FAM171A1: variants seen among roughly 807,000 people sequenced by gnomAD.
The protein encoded by FAM171A1 is protein FAM171A1.
Under a neutral mutation model 74.9 loss-of-function variants are expected in FAM171A1, and 23 were observed. That is an observed-to-expected ratio of 0.31 (90% CI 0.22 to 0.44). The LOEUF (loss-of-function observed/expected upper bound fraction) is 0.44, where lower values mean the gene tolerates loss of function less well. FAM171A1 is among the 20% of genes least tolerant of loss of function. FAM171A1 has a pLI of 1.00. For missense variants in FAM171A1, 1,162 were observed against 1,159.2 expected (o/e 1.00, Z -0.03); for synonymous variants, 527 against 505.7 (o/e 1.04, Z -0.57).
chr10:15,320,529 T>C (rs575177039), intron 1 of FAM171A1, among the ~76,000 whole-genome samples: 23 of 152,228 alleles, frequency 1.5e-4, no homozygotes, highest in Non-Finnish European at 3.1e-4. Flanking sequence ...TTTAAGTTCT[T>C]TGAGAAATTT....
At chr10:15,328,908 G>C (rs951463965) in intron 1 of FAM171A1, among the ~76,000 whole-genome samples, 9 of 152,042 alleles carry the variant, frequency 5.9e-5, no homozygotes, top group African/African-American at 1.7e-4. Context: ...TCTTTTGACA[G>C]ATATGTCATC....
intron 3 of FAM171A1, among the ~76,000 whole-genome samples, chr10:15,265,192 T>C (rs773943151): frequency 2.6e-4 from 39 of 152,162 alleles, no homozygotes; most frequent in Non-Finnish European, 5.7e-4. Flanking sequence ...CGATTTATAA[T>C]ATGCTCATGC....
intron 1 of FAM171A1, among the ~76,000 whole-genome samples, chr10:15,288,279 C>T (rs921723477): frequency 1.3e-5 from 2 of 151,714 alleles, no homozygotes; most frequent in Non-Finnish European, 1.5e-5. Context: ...GGGTAGATAC[C>T]GGTAGTGGGA....
chr10:15,258,647 G>A (rs1410062316), intron 3 of FAM171A1, among the ~76,000 whole-genome samples: 2 of 152,042 alleles, frequency 1.3e-5, no homozygotes, highest in Non-Finnish European at 2.9e-5. Flanking sequence ...TGGAGACGTC[G>A]ACTGTGTGAT....
chr10:15,352,840 A>G (rs377448205), intron 1 of FAM171A1, among the ~76,000 whole-genome samples: 1 of 152,218 alleles, frequency 6.6e-6, no homozygotes, highest in South Asian at 2.1e-4. Context: ...TACTTTCACC[A>G]TGTAATCTTT....
At chr10:15,268,563 AG>A (rs1327720147) in intron 3 of FAM171A1, among the ~76,000 whole-genome samples, 5 of 152,044 alleles carry the variant, frequency 3.3e-5, no homozygotes, top group Admixed American at 1.3e-4. Flanking sequence ...GGTGCCTGAC[AG>A]GCCTCCAAGC....
At chr10:15,284,842 G>A (rs1588533405) in intron 1 of FAM171A1, among the ~76,000 whole-genome samples, 1 of 151,818 alleles carries the variant, frequency 6.6e-6, no homozygotes, top group East Asian at 1.9e-4. Flanking sequence ...TTGTGCACTG[G>A]TAATCACAAA....
chr10:15,366,245 G>A (rs1170403584), intron 1 of FAM171A1, among the ~76,000 whole-genome samples: 2 of 151,972 alleles, frequency 1.3e-5, no homozygotes, highest in African/African-American at 4.8e-5. Context: ...TTAGCCTCCC[G>A]AGTAGCTGGG....
rs768929987 is a variant in FAM171A1 at position 15,213,389 on chromosome 10, G to A, written c.2199C>T (p.Asn733=). ...AGTCCAAACTGGCATCATTACTTCC[G>A]TTCCTTCCAGCTCTTTGGAGATCAA... ...SYIDLQRAGR[N]GSNDASLDSG... Residue 733 remains asparagine, a synonymous_variant, in exon 8 of 8, where the codon AAC becomes AAT. Transcript: ENST00000378116. This position sits in a 1 kb window ranked among gnomAD's most constrained non-coding sequence, Gnocchi z 6.8. 3.7e-6 allele frequency: 6 copies of A among 1,613,986 alleles called. No individual in the cohort carries two copies. The Admixed American group carries it at 5.0e-5, about 13-fold the overall frequency.
chr10:15,244,440 G>C lies in FAM171A1; in HGVS notation c.754+4199C>G, dbSNP rs1171646095. ...GGGCTGAGGTGGGAGGATTGCTTCA[G>C]CTCTTGAGATAGAGACTGTAGTGAG... On this transcript the variant is annotated intron_variant, in intron 5 of 7. Coordinates refer to ENST00000378116, the MANE Select transcript of FAM171A1 (RefSeq NM_001010924.2). Among the ~76,000 whole-genome samples, 3 of 152,200 alleles carry C rather than the reference G, an allele frequency of 2.0e-5. No individual in the cohort carries two copies. In the East Asian group the frequency reaches 5.8e-4, roughly 29 times the overall value.
At chr10:15,237,495 G>A (rs1345778298) in intron 5 of FAM171A1, 1 of 152,224 alleles carries the variant, frequency 6.6e-6, no homozygotes, top group African/African-American at 2.4e-5. Context: ...TGAGATCACA[G>A]CTTGGTTGTT....
chr10:15,280,076 G>A (rs1381990166), intron 2 of FAM171A1, among the ~76,000 whole-genome samples: 1 of 152,054 alleles, frequency 6.6e-6, no homozygotes, highest in Non-Finnish European at 1.5e-5. Flanking sequence ...GACAGAGTGA[G>A]ACTTCATCTC....
At chr10:15,215,919 A>T in intron 7 of FAM171A1, 77 bp downstream of exon 7, 1 of 879,988 alleles carries the variant, frequency 1.1e-6, no homozygotes, top group South Asian at 1.9e-5. Flanking sequence ...ACCCACCTCC[A>T]TATTAATGCT....
chr10:15,339,460 C>A (rs913496075), intron 1 of FAM171A1, among the ~76,000 whole-genome samples: 1 of 152,130 alleles, frequency 6.6e-6, no homozygotes, highest in Non-Finnish European at 1.5e-5. Context: ...TCCTGAAGAG[C>A]GCTGCTCAGG....
At chr10:15,370,903 C>T in intron 1 of FAM171A1, 53 bp downstream of exon 1, 1 of 908,236 alleles carries the variant, frequency 1.1e-6, no homozygotes, top group African/African-American at 1.8e-5. Context: ...CCGCCGCCTC[C>T]GCGCCAGGCC....
rs1191647646 is a variant in FAM171A1, at chr10:15,243,282, C to A, written c.754+5357G>T. Reference sequence around the variant, plus strand: ...TCCTCTTGCATCCTGCTCATAAGGGCCCTTGTGATGGCCGTGGGCCCACCC... The same window carrying A: ...TCCTCTTGCATCCTGCTCATAAGGGACCTTGTGATGGCCGTGGGCCCACCC... On this transcript the variant is annotated intron_variant, in intron 5 of 7. Transcript: ENST00000378116. Among the ~76,000 whole-genome samples, 4 of 152,140 alleles carry A rather than the reference C, an allele frequency of 2.6e-5. No individual in the cohort carries two copies. In the East Asian group the frequency reaches 7.7e-4, roughly 29 times the overall value.
chr10:15,218,762 T>C (rs913105029), intron 6 of FAM171A1, among the ~76,000 whole-genome samples: 10 of 152,050 alleles, frequency 6.6e-5, no homozygotes, highest in Non-Finnish European at 5.9e-5. Context: ...CACTGGCTAA[T>C]TAAAAAAAAT....
At chr10:15,248,935 A>G (rs1464413314) in intron 4 of FAM171A1, 120 bp from the exon 5 acceptor site, 1 of 874,996 alleles carries the variant, frequency 1.1e-6, no homozygotes, top group South Asian at 1.9e-5. Flanking sequence ...GACTGCATGA[A>G]GCACTTTACA....
chr10:15,245,376 G>A (rs1834419268), intron 5 of FAM171A1, among the ~76,000 whole-genome samples: 1 of 152,138 alleles, frequency 6.6e-6, no homozygotes, highest in Non-Finnish European at 1.5e-5. Context: ...CCAATCTGTT[G>A]ACTTTGAGTG....
Sources: gnomAD v4.1 joint callset for allele counts (sites outside exome capture counted in the v4.1 genomes callset) on GRCh38, gnomAD v4.1.1 for gene constraint, Gnocchi (gnomAD v3.1) non-coding constraint, MANE v1.5 for transcripts, NCBI Gene and HGNC (gene_info 2026-07-23, HGNC 2026-07-21) for gene names.